The following RBMS3 variants were observed in gnomAD, a reference collection of about 807,000 sequenced individuals.
The protein encoded by RBMS3 is RNA-binding motif, single-stranded-interacting protein 3.
A neutral mutation model predicts 66.8 loss-of-function variants in RBMS3; 27 were observed. The observed-to-expected ratio is 0.40, with a 90% confidence interval of 0.30 to 0.56. The LOEUF (loss-of-function observed/expected upper bound fraction) is 0.56, where lower values mean the gene tolerates loss of function less well. Among genes scored for constraint, RBMS3 ranks in the 20% least tolerant of loss-of-function variants. The pLI is 0.40. For synonymous variants in RBMS3, 188 were observed against 183.0 expected (o/e 1.03, Z -0.22); for missense variants, 513 against 549.5 (o/e 0.93, Z 0.66).
chr3:29,302,157 A>G (rs1020891373), intron 1 of RBMS3, among the ~76,000 whole-genome samples: 1 of 151,862 alleles, frequency 6.6e-6, no homozygotes, highest in African/African-American at 2.4e-5. Flanking sequence ...CTACAGGTGC[A>G]TGCCACCACA....
intron 2 of RBMS3, among the ~76,000 whole-genome samples, chr3:29,450,991 T>A (rs1374734359): frequency 6.6e-6 from 1 of 151,962 alleles, no homozygotes; most frequent in Non-Finnish European, 1.5e-5. Context: ...TTGGGAGCTG[T>A]AATTTCCTCA....
chr3:29,843,749 G>C (rs535002497), intron 6 of RBMS3, among the ~76,000 whole-genome samples: 10 of 152,104 alleles, frequency 6.6e-5, no homozygotes, highest in African/African-American at 2.2e-4. Context: ...GAGCCCAGGG[G>C]ACCAGCCTGG....
chr3:29,751,901 C>A (rs1299722507), intron 5 of RBMS3, among the ~76,000 whole-genome samples: 2 of 152,154 alleles, frequency 1.3e-5, no homozygotes, highest in Non-Finnish European at 2.9e-5. Flanking sequence ...AGGCCCATGG[C>A]AGCGCCTAGG....
chr3:29,838,152 C>G (rs1454162669), intron 6 of RBMS3, among the ~76,000 whole-genome samples: 1 of 117,550 alleles, frequency 8.5e-6, no homozygotes, highest in African/African-American at 3.3e-5. Flanking sequence ...GCCTGGGCAA[C>G]ATAGTGAGAC....
intron 4 of RBMS3, among the ~76,000 whole-genome samples, chr3:29,720,906 A>G (rs776609683): frequency 7.9e-5 from 12 of 152,148 alleles, no homozygotes; most frequent in Non-Finnish European, 1.6e-4. Flanking sequence ...CGCTGACTAA[A>G]TAAGTAAATG....
intron 4 of RBMS3, among the ~76,000 whole-genome samples, chr3:29,714,861 G>T (rs2149312083): frequency 6.6e-6 from 1 of 152,198 alleles, no homozygotes; most frequent in African/African-American, 2.4e-5. Flanking sequence ...GAATATGACA[G>T]CAGTTAGCAG....
At chr3:29,703,546 C>T (rs915657231) in intron 4 of RBMS3, among the ~76,000 whole-genome samples, 5 of 152,256 alleles carry the variant, frequency 3.3e-5, no homozygotes, top group South Asian at 4.2e-4. Flanking sequence ...CTGCAATGCC[C>T]AGAGTATTTG....
intron 4 of RBMS3, among the ~76,000 whole-genome samples, chr3:29,704,837 A>T (rs2052801019): frequency 1.3e-5 from 2 of 152,212 alleles, no homozygotes; most frequent in Admixed American, 1.3e-4. Flanking sequence ...TTCAACATAA[A>T]AGTTGGTAGG....
chr3:29,788,431 T>A (rs2056897634), intron 6 of RBMS3, among the ~76,000 whole-genome samples: 1 of 152,056 alleles, frequency 6.6e-6, no homozygotes, highest in African/African-American at 2.4e-5. Flanking sequence ...TTCATTGTGT[T>A]ATCCAGGATT....
At chr3:29,797,022 T>C (rs2057222677) in intron 6 of RBMS3, among the ~76,000 whole-genome samples, 1 of 152,116 alleles carries the variant, frequency 6.6e-6, no homozygotes, top group African/African-American at 2.4e-5. Context: ...ACAATGGCTT[T>C]TACTTAGTCA....
At chr3:29,512,750 T>C (rs1160769077) in intron 3 of RBMS3, among the ~76,000 whole-genome samples, 1 of 152,226 alleles carries the variant, frequency 6.6e-6, no homozygotes, top group Non-Finnish European at 1.5e-5. Flanking sequence ...GGCTGTCTAA[T>C]ATTTCAAATT....
chr3:29,588,232 A>C (rs1308388071), intron 4 of RBMS3, among the ~76,000 whole-genome samples: 1 of 152,082 alleles, frequency 6.6e-6, no homozygotes, highest in Non-Finnish European at 1.5e-5. Context: ...TAAGTCTTTA[A>C]ATATTCTTTC....
intron 2 of RBMS3, among the ~76,000 whole-genome samples, chr3:29,443,084 C>T (rs1417064591): frequency 1.3e-5 from 2 of 152,026 alleles, no homozygotes; most frequent in Non-Finnish European, 2.9e-5. Context: ...TTTTGTAACC[C>T]AAGAGCTATC....
chr3:29,403,817 G>A (rs1206893310), intron 1 of RBMS3, among the ~76,000 whole-genome samples: 1 of 151,952 alleles, frequency 6.6e-6, no homozygotes, highest in African/African-American at 2.4e-5. Context: ...AATAATAAAG[G>A]AGCCAACATA....
intron 6 of RBMS3, chr3:29,767,329 C>T (rs992493640): frequency 6.6e-5 from 10 of 151,220 alleles, no homozygotes; most frequent in Admixed American, 6.1e-4. Flanking sequence ...TAAGCACGTG[C>T]TCCTATCAGT....
chr3:29,893,861 G>T (rs1220886016), intron 8 of RBMS3, among the ~76,000 whole-genome samples: 3 of 151,350 alleles, frequency 2.0e-5, no homozygotes, highest in African/African-American at 7.3e-5. Context: ...CCCTGGTATT[G>T]ATCTTCCTGT....
rs1307647784 is a variant in RBMS3, at chr3:30,008,478, T to C, written c.*4616T>C. 2.6e-5 allele frequency: 4 copies of C among 152,108 alleles called. No homozygotes were observed. Among genetic ancestry groups the C allele is most frequent in the Admixed American group, 6.6e-5 (1 of 15,262 alleles). The allele number at this position is 152,108 out of a possible 1,614,324, so 9.4% of individuals were successfully genotyped here. On this transcript the variant is annotated 3_prime_UTR_variant, in exon 15 of 15. Transcript: ENST00000383767. ...ACTATAATAAAGCTTAAACCTGTCA[T>C]AGAACCTTGATCTATATTACTTTGT... is the stretch of plus-strand genomic sequence containing the variant.
At chr3:29,862,288 T>TC (rs2059234403) in intron 6 of RBMS3, among the ~76,000 whole-genome samples, 1 of 152,128 alleles carries the variant, frequency 6.6e-6, no homozygotes, top group Non-Finnish European at 1.5e-5. Flanking sequence ...AGGTGATGAG[T>TC]CCAGTGCTGC....
rs542643093 is a variant in RBMS3, at chr3:29,785,041, C to T, written c.637+22052C>T. 2.6e-4 allele frequency among the ~76,000 whole-genome samples: 39 copies of T among 151,782 alleles called. No homozygotes were observed. The East Asian group carries it at 7.4e-3, about 29-fold the overall frequency. On this transcript the variant is annotated intron_variant, in intron 6 of 14. Coordinates refer to ENST00000383767, the MANE Select transcript of RBMS3 (RefSeq NM_001003793.3). ...GAAATGGTAATTTTAAAATTGCCAC[C>T]AAAAAAAGACCAGGACCACATGGAT...
Sources: allele counts gnomAD v4.1 joint callset (sites outside exome capture counted in the v4.1 genomes callset), GRCh38; gene constraint gnomAD v4.1.1; transcripts MANE v1.5; gene names NCBI Gene and HGNC (gene_info 2026-07-23, HGNC 2026-07-21).